The following KCNQ1OT1 variants were observed in gnomAD, a reference collection of about 807,000 sequenced individuals.
KCNQ1OT1 encodes KCNQ1 antisense RNA 2 (non-protein coding).
At chr11:2,628,764 A>G (rs1849303018) in exon 1 of KCNQ1OT1, 2 of 398,402 alleles carry the variant, frequency 5.0e-6, no homozygotes, top group Non-Finnish European at 8.9e-6. Context: ...GTTTCAGGTC[A>G]TATGTTTAAA....
At position 2,620,413 on chromosome 11, in the gene KCNQ1OT1, TC is replaced by T. The variant is rs1849150450; in HGVS notation, n.79581del. Reference sequence around the variant, plus strand: ...GTAGTTTTAGTAGAGACAGGGTTTTTCCATGTTGGTCAGGCTGGTCTCGAAC... The same window carrying T: ...GTAGTTTTAGTAGAGACAGGGTTTTTCATGTTGGTCAGGCTGGTCTCGAAC... On this transcript the variant is annotated non_coding_transcript_exon_variant, in exon 1 of 1. Coordinates refer to ENST00000597346, the Ensembl canonical transcript of KCNQ1OT1. The surrounding 1 kb of genome is among the most constrained non-coding windows in gnomAD (Gnocchi z 4.5). 4.2e-6 allele frequency: 1 copy of T among 235,760 alleles called. No individual in the cohort carries two copies. Among genetic ancestry groups the T allele is most frequent in the Non-Finnish European group, 8.0e-6 (1 of 124,388 alleles). The allele number at this position is 235,760 out of a possible 1,614,324, so 14.6% of individuals were successfully genotyped here.
exon 1 of KCNQ1OT1, chr11:2,684,913 T>C (rs1850457908): frequency 2.5e-6 from 1 of 398,542 alleles, no homozygotes; most frequent in Non-Finnish European, 4.4e-6. Flanking sequence ...GTAGGTAAGT[T>C]TGTGTCCCTG....
exon 1 of KCNQ1OT1, chr11:2,610,355 A>G (rs1247207066): frequency 2.5e-6 from 1 of 398,238 alleles, no homozygotes; most frequent in Non-Finnish European, 4.4e-6. Flanking sequence ...TGATCATACT[A>G]TATAATGATA....
At chr11:2,631,884 A>G in exon 1 of KCNQ1OT1, 1 of 398,188 alleles carries the variant, frequency 2.5e-6, no homozygotes, top group Non-Finnish European at 4.4e-6. Flanking sequence ...TGATTAATGT[A>G]TAGAAATGCA....
chr11:2,628,242 C>T, exon 1 of KCNQ1OT1: 1 of 398,558 alleles, frequency 2.5e-6, no homozygotes, highest in Non-Finnish European at 4.4e-6. Context: ...TATCAATTTA[C>T]ATTCCTAACA....
At chr11:2,625,017 C>T in exon 1 of KCNQ1OT1, 2 of 398,522 alleles carry the variant, frequency 5.0e-6, no homozygotes, top group Non-Finnish European at 8.8e-6. Context: ...GATGTTTTAA[C>T]TGTTGTAAAT....
chr11:2,659,568 T>A lies in KCNQ1OT1; in HGVS notation n.40427A>T. 2.5e-6 allele frequency: 1 copy of A among 398,556 alleles called. No individual in the cohort carries two copies. Among genetic ancestry groups the A allele is most frequent in the Admixed American group, 4.4e-5 (1 of 22,738 alleles). 24.7% of individuals were successfully genotyped at this position (398,556 alleles called of 1,614,324 possible). ...TTATGAGCAGAGTTACTATACACAT[T>A]TATGTACAGGTTTTTGCGAACATAA... On this transcript the variant is annotated non_coding_transcript_exon_variant, in exon 1 of 1. Coordinates refer to ENST00000597346, the Ensembl canonical transcript of KCNQ1OT1. This position sits in a 1 kb window ranked among gnomAD's most constrained non-coding sequence, Gnocchi z 4.3.
chr11:2,671,436 TTAG>T lies in KCNQ1OT1; in HGVS notation n.28556_28558del, dbSNP rs1850181889. 1 of 398,468 alleles carries T rather than the reference TTAG, an allele frequency of 2.5e-6. No homozygotes were observed. Among genetic ancestry groups the T allele is most frequent in the Non-Finnish European group, 4.4e-6 (1 of 226,072 alleles). The allele number at this position is 398,468 out of a possible 1,614,324, so 24.7% of individuals were successfully genotyped here. On this transcript the variant is annotated non_coding_transcript_exon_variant, in exon 1 of 1. Transcript: ENST00000597346. The surrounding 1 kb of genome is among the most constrained non-coding windows in gnomAD (Gnocchi z 4.7). ...ATGTGCACCCAGAGATTCTCCCACTTTAGCAGGCAGAAGAGCAACCCAGCAGGG... is the reference window on the plus strand; with the variant it reads ...ATGTGCACCCAGAGATTCTCCCACTTCAGGCAGAAGAGCAACCCAGCAGGG...
At chr11:2,650,325 T>C (rs1033764771) in exon 1 of KCNQ1OT1, 7 of 398,456 alleles carry the variant, frequency 1.8e-5, no homozygotes, top group Non-Finnish European at 3.1e-5. Context: ...CTTGTTTTTT[T>C]CCCCCCAAGT....
At chr11:2,675,981 C>T (rs1217312037) in exon 1 of KCNQ1OT1, 2 of 398,536 alleles carry the variant, frequency 5.0e-6, no homozygotes, top group East Asian at 7.1e-5. Flanking sequence ...AAATAACACT[C>T]TCCCCACCCA....
Position 2,690,761 on chromosome 11 carries a change from G to A in KCNQ1OT1, n.9234C>T, listed in dbSNP as rs1850574940. The A allele has an allele frequency of 2.5e-6, 1 of 398,542 alleles. No individual in the cohort carries two copies. Among genetic ancestry groups the A allele is most frequent in the South Asian group, 1.3e-4 (1 of 7,868 alleles). 24.7% of individuals were successfully genotyped at this position (398,542 alleles called of 1,614,324 possible). A position where few individuals can be genotyped will look rare whatever the true frequency, so the allele number is the denominator to read the frequency against. ...AGTATGATCCCAAATCCCTTAGGTG[G>A]ATGTGGCCTGGCAGGGGGTCAGCAG... is the stretch of plus-strand genomic sequence containing the variant. On this transcript the variant is annotated non_coding_transcript_exon_variant, in exon 1 of 1. Coordinates refer to ENST00000597346, the Ensembl canonical transcript of KCNQ1OT1. This position sits in a 1 kb window ranked among gnomAD's most constrained non-coding sequence, Gnocchi z 5.1.
rs1345287711 is a variant in KCNQ1OT1, at chr11:2,670,282, G to A, written n.29713C>T. The A allele has an allele frequency of 1.0e-5, 4 of 398,470 alleles. No individual in the cohort carries two copies. Among genetic ancestry groups the A allele is most frequent in the Admixed American group, 8.8e-5 (2 of 22,712 alleles). The allele number at this position is 398,470 out of a possible 1,614,324, so 24.7% of individuals were successfully genotyped here. ...GAGGACCATGGTAGCTTGTCTCTAG[G>A]CAACCCATAGGTGCCCAATGGAGAG... On this transcript the variant is annotated non_coding_transcript_exon_variant, in exon 1 of 1. Transcript: ENST00000597346. The surrounding 1 kb of genome is among the most constrained non-coding windows in gnomAD (Gnocchi z 4.9).
In KCNQ1OT1 at chr11:2,664,459, G is replaced by A; in HGVS notation, n.35536C>T. Reference sequence around the variant, plus strand: ...CCCAGGCTCCTCTGGGATACAGGCTGGGTAGAGGCCCCACTCCATCTGGGG... The same window carrying A: ...CCCAGGCTCCTCTGGGATACAGGCTAGGTAGAGGCCCCACTCCATCTGGGG... On this transcript the variant is annotated non_coding_transcript_exon_variant, in exon 1 of 1. Coordinates refer to ENST00000597346, the Ensembl canonical transcript of KCNQ1OT1. The surrounding 1 kb of genome is among the most constrained non-coding windows in gnomAD (Gnocchi z 5.1). The A allele has an allele frequency of 2.5e-6, 1 of 398,746 alleles. No homozygotes were observed. The highest frequency in any genetic ancestry group is 4.4e-6 in the Non-Finnish European group (1 of 226,176). The allele number at this position is 398,746 out of a possible 1,614,324, so 24.7% of individuals were successfully genotyped here.
chr11:2,650,139 G>A (rs1262763781), exon 1 of KCNQ1OT1: 2 of 397,988 alleles, frequency 5.0e-6, no homozygotes, highest in Admixed American at 8.8e-5. Context: ...TTTTTGTTTG[G>A]TTCTTTTTCA....
chr11:2,668,617 G>A lies in KCNQ1OT1; in HGVS notation n.31378C>T, dbSNP rs1050186511. The A allele has an allele frequency of 7.5e-6, 3 of 398,380 alleles. No homozygotes were observed. The highest frequency in any genetic ancestry group is 6.2e-5 in the African/African-American group (3 of 48,590). 24.7% of individuals were successfully genotyped at this position (398,380 alleles called of 1,614,324 possible). A position where few individuals can be genotyped will look rare whatever the true frequency, so the allele number is the denominator to read the frequency against. On this transcript the variant is annotated non_coding_transcript_exon_variant, in exon 1 of 1. Coordinates refer to ENST00000597346, the Ensembl canonical transcript of KCNQ1OT1. This position sits in a 1 kb window ranked among gnomAD's most constrained non-coding sequence, Gnocchi z 4.3. ...TCTGTATAAATTGCCTACATCTTCT[G>A]CCTGTTTTATGTTTATTTATGGTCC...
chr11:2,662,307 G>A (rs1487714267), exon 1 of KCNQ1OT1: 1 of 599,046 alleles, frequency 1.7e-6, no homozygotes, highest in Non-Finnish European at 3.0e-6. Flanking sequence ...TTTGACTTAT[G>A]GAAAACCAGA....
exon 1 of KCNQ1OT1, chr11:2,656,543 C>G (rs1346769294): frequency 2.5e-6 from 1 of 398,542 alleles, no homozygotes; most frequent in Non-Finnish European, 4.4e-6. Context: ...TCAGGCGCAA[C>G]ACCTTTCCAC....
chr11:2,634,799 G>A (rs1849429547), exon 1 of KCNQ1OT1: 1 of 152,214 alleles, frequency 6.6e-6, no homozygotes, highest in African/African-American at 2.4e-5. Context: ...CCCACCAACA[G>A]TGTAAAAGCG....
chr11:2,691,587 C>A lies in KCNQ1OT1; in HGVS notation n.8408G>T. On this transcript the variant is annotated non_coding_transcript_exon_variant, in exon 1 of 1. Coordinates refer to ENST00000597346, the Ensembl canonical transcript of KCNQ1OT1. The surrounding 1 kb of genome is among the most constrained non-coding windows in gnomAD (Gnocchi z 6.4). ...ATACCTCAGCAAGGACGAGGCCTCCCTGAGGGAGTCAACCTAGCTTGTTCC... is the reference window on the plus strand; with the variant it reads ...ATACCTCAGCAAGGACGAGGCCTCCATGAGGGAGTCAACCTAGCTTGTTCC... The A allele has an allele frequency of 2.5e-6, 1 of 398,594 alleles. No individual in the cohort carries two copies. The highest frequency in any genetic ancestry group is 4.4e-6 in the Non-Finnish European group (1 of 226,054). The allele number at this position is 398,594 out of a possible 1,614,324, so 24.7% of individuals were successfully genotyped here.
Sources: allele counts gnomAD v4.1 joint callset, GRCh38; gene constraint gnomAD v4.1.1; non-coding constraint Gnocchi (gnomAD v3.1); transcripts MANE v1.5; gene names NCBI Gene and HGNC (gene_info 2026-07-23, HGNC 2026-07-21).